The following FAM13B variants were observed in gnomAD, a reference collection of about 807,000 sequenced individuals.
FAM13B encodes the protein family with sequence similarity 13 member B.
FAM13B carries 60 observed loss-of-function variants against 117.3 expected under a neutral mutation model. The observed-to-expected ratio is 0.51, with a 90% CI of 0.42 to 0.63. The LOEUF (loss-of-function observed/expected upper bound fraction) is 0.63. Ranked by LOEUF, FAM13B falls within the 30% of genes least tolerant of loss-of-function variation. The probability of loss-of-function intolerance (pLI) is 0.00; values close to 1 mark genes in which losing one functional copy is unlikely to be tolerated. For synonymous variants in FAM13B, 332 were observed against 356.1 expected, an observed-to-expected ratio of 0.93 and a Z score of 0.76; for missense variants, 972 against 1,091.9, an observed-to-expected ratio of 0.89 and a Z score of 1.55.
chr5:138,049,157 G>A (rs1260709735), intron 1 of FAM13B, among the ~76,000 whole-genome samples: 2 of 152,132 alleles, frequency 1.3e-5, no homozygotes, highest in Non-Finnish European at 2.9e-5. Flanking sequence ...GGCCAGGCTG[G>A]TCTCGAACTC....
chr5:137,999,824 G>C (rs1780764022), intron 7 of FAM13B, among the ~76,000 whole-genome samples: 1 of 152,088 alleles, frequency 6.6e-6, no homozygotes, highest in Non-Finnish European at 1.5e-5. Flanking sequence ...TGAGTGAAAG[G>C]GCTAAGGAGT....
At chr5:137,986,219 G>A (rs1039444496) in intron 9 of FAM13B, among the ~76,000 whole-genome samples, 6 of 151,864 alleles carry the variant, frequency 4.0e-5, no homozygotes, top group Admixed American at 2.6e-4. Flanking sequence ...TCCATGGCAC[G>A]CTTGCAATTG....
rs1767595233 is a variant in FAM13B, at chr5:137,959,702, T to C, written c.1355A>G (p.Gln452Arg). 2.5e-6 allele frequency: 4 copies of C among 1,613,830 alleles called. No individual in the cohort carries two copies. Among genetic ancestry groups the C allele is most frequent in the Non-Finnish European group, 3.4e-6 (4 of 1,179,846 alleles). Residue 452 changes from glutamine to arginine, a missense_variant, in exon 13 of 24, where the codon CAG (glutamine) becomes CGG (arginine). Transcript: ENST00000689681. ...ANTESEVPGGQSVGVQGEAAC... is the reference protein window; with the variant it reads ...ANTESEVPGGRSVGVQGEAAC... Reference sequence around the variant, plus strand: ...TGCTTCCCCTTGAACACCAACACTCTGACCTCCTGGTACTTCTGATTCAGT... The same window carrying C: ...TGCTTCCCCTTGAACACCAACACTCCGACCTCCTGGTACTTCTGATTCAGT...
rs1022562583 is a variant in FAM13B, at chr5:137,938,145, C to T, written c.*2080G>A. On this transcript the variant is annotated 3_prime_UTR_variant, in exon 24 of 24. Transcript: ENST00000689681. ...TACCAGCTACTGCTCAACTATGACA[C>T]ACAATACTGTCACAGAGCATAAGTG... 1 of 152,494 alleles carries T rather than the reference C, an allele frequency of 6.6e-6. No homozygotes were observed. The allele number at this position is 152,494 out of a possible 1,614,324, so 9.4% of individuals were successfully genotyped here.
intron 20 of FAM13B, among the ~76,000 whole-genome samples, chr5:137,943,499 C>T (rs1034402730): frequency 2.0e-5 from 3 of 152,222 alleles, no homozygotes; most frequent in Non-Finnish European, 2.9e-5. Flanking sequence ...GTAATCCCAG[C>T]ACTTTGGGAG....
chr5:138,019,838 C>A (rs1463490085), intron 2 of FAM13B: 1 of 158,228 alleles, frequency 6.3e-6, no homozygotes, highest in African/African-American at 2.4e-5. Context: ...TGCCACCACG[C>A]CCGGCTAATT....
chr5:138,047,039 C>T (rs539658732), intron 1 of FAM13B, among the ~76,000 whole-genome samples: 1 of 152,012 alleles, frequency 6.6e-6, no homozygotes, highest in Admixed American at 6.6e-5. Context: ...CCACCGTGCC[C>T]AGCCACTTCT....
chr5:138,021,297 T>C (rs1786641715), intron 1 of FAM13B, 100 bp from the exon 2 acceptor site: 2 of 893,424 alleles, frequency 2.2e-6, no homozygotes, highest in East Asian at 3.3e-5. Context: ...AGGTTACCTA[T>C]ATTGAAAGGT....
intron 10 of FAM13B, among the ~76,000 whole-genome samples, chr5:137,972,017 G>A (rs1242489348): frequency 1.3e-4 from 20 of 149,098 alleles, no homozygotes; most frequent in Non-Finnish European, 2.4e-4. Flanking sequence ...ATTCACAGCC[G>A]AATTCTACCA....
chr5:137,954,952 T>C (rs1766086708), intron 14 of FAM13B, among the ~76,000 whole-genome samples: 1 of 152,172 alleles, frequency 6.6e-6, no homozygotes, highest in Non-Finnish European at 1.5e-5. Flanking sequence ...AATTTAAATT[T>C]CTGAACCCAG....
At chr5:137,973,239 T>C (rs553480759) in intron 10 of FAM13B, among the ~76,000 whole-genome samples, 33 of 152,304 alleles carry the variant, frequency 2.2e-4, no homozygotes, top group African/African-American at 7.2e-4. Flanking sequence ...CAAAACAGCA[T>C]GGTACTGGTA....
At chr5:138,018,889 G>C (rs1785905735) in intron 3 of FAM13B, 66 bp downstream of exon 3, 3 of 1,316,212 alleles carry the variant, frequency 2.3e-6, no homozygotes, top group Non-Finnish European at 2.1e-6. Context: ...AAAAATCCAA[G>C]GTCAAAAAGG....
intron 23 of FAM13B, 121 bp from the exon 24 acceptor site, chr5:137,940,469 TAA>T (rs3214311): frequency 0.019 from 9,912 of 511,546 alleles, no homozygotes; most frequent in South Asian, 0.028. Context: ...GTTGTTCTGT[TAA>T]AAAAAAAAAA....
At chr5:137,945,509 A>T (rs1379468479) in intron 20 of FAM13B, among the ~76,000 whole-genome samples, 1 of 152,264 alleles carries the variant, frequency 6.6e-6, no homozygotes, top group African/African-American at 2.4e-5. Flanking sequence ...ATGCATTTTC[A>T]ACGACATGAA....
At chr5:137,964,543 A>C (rs1769101926) in intron 10 of FAM13B, among the ~76,000 whole-genome samples, 4 of 151,484 alleles carry the variant, frequency 2.6e-5, no homozygotes, top group Admixed American at 1.3e-4. Flanking sequence ...CAACATGGCG[A>C]AACCCCATCT....
At chr5:137,951,119 AG>A (rs993112625) in intron 17 of FAM13B, among the ~76,000 whole-genome samples, 3 of 143,636 alleles carry the variant, frequency 2.1e-5, no homozygotes, top group African/African-American at 7.7e-5. Flanking sequence ...CTGAGGTGGG[AG>A]GATCGCTTCA....
chr5:137,966,488 T>TATATATATATATAG (rs1461425784), intron 10 of FAM13B, among the ~76,000 whole-genome samples: 3 of 29,472 alleles, frequency 1.0e-4, no homozygotes, highest in African/African-American at 3.8e-4. Context: ...TATATATATA[T>TATATATATATATAG]AGAGAGAGAG....
rs577433253 is a variant in FAM13B at position 138,027,485 on chromosome 5, G to A, written c.-203+5297C>T. 1.8e-3 allele frequency among the ~76,000 whole-genome samples: 267 copies of A among 152,202 alleles called. 3 individuals carry two copies. Among genetic ancestry groups the A allele is most frequent in the African/African-American group, 6.0e-3 (249 of 41,534 alleles). On this transcript the variant is annotated intron_variant, in intron 1 of 23. Coordinates refer to ENST00000689681, the MANE Select transcript of FAM13B (RefSeq NM_001385994.1). ...CTAGACATTCAGCTTCTTACTAGCT[G>A]GGGCTCCAAATAATTCACTGAAGCA...
intron 1 of FAM13B, among the ~76,000 whole-genome samples, chr5:138,045,462 G>A (rs1791613905): frequency 6.6e-6 from 1 of 151,992 alleles, no homozygotes; most frequent in Non-Finnish European, 1.5e-5. Context: ...GAGCCTGGGA[G>A]GCAGAGGCTG....
Sources: allele counts gnomAD v4.1 joint callset (sites outside exome capture counted in the v4.1 genomes callset), GRCh38; gene constraint gnomAD v4.1.1; transcripts MANE v1.5; gene names NCBI Gene and HGNC (gene_info 2026-07-23, HGNC 2026-07-21).